Variants in MORN2 observed in about 807,000 individuals in gnomAD.
MORN2 encodes the protein MORN repeat containing 2.
In MORN2, 15 loss-of-function variants were observed where a neutral mutation model predicts 13.4. The ratio of observed to expected loss-of-function variants is 1.12; its 90% CI spans 0.75 to 1.72. The LOEUF is 1.72. MORN2 is among the 40% of genes most tolerant of loss of function. The probability of loss-of-function intolerance (pLI) is 0.00; values close to 1 mark genes in which losing one functional copy is unlikely to be tolerated. For synonymous variants in MORN2, 46 were observed against 43.6 expected, an observed-to-expected ratio of 1.06 and a Z score of -0.22; for missense variants, 168 against 134.6, an observed-to-expected ratio of 1.25 and a Z score of -1.23.
At position 38,881,536 on chromosome 2, in the gene MORN2, T is replaced by C. The variant is rs749052669; in HGVS notation, c.311T>C (p.Phe104Ser). ...TTTCATGGACTGGGGACTTACACAT[T>C]CCCAAATGGGGCAAAGTATACTGGA... Residue 104 changes from phenylalanine to serine, a missense_variant, in exon 4 of 5, where the codon TTC (phenylalanine) becomes TCC (serine). Coordinates refer to ENST00000644631, the MANE Select transcript of MORN2 (RefSeq NM_001145450.3). The C allele has an allele frequency of 1.6e-5, 24 of 1,540,464 alleles. No individual in the cohort carries two copies. The highest frequency in any genetic ancestry group is 1.9e-5 in the Non-Finnish European group (22 of 1,143,304).
chr2:38,877,287 TA>T (rs1558415705), intron 1 of MORN2, among the ~76,000 whole-genome samples: 431 of 32,266 alleles, frequency 0.013, 3 homozygotes, highest in Middle Eastern at 0.058. Flanking sequence ...AATAAATAAA[TA>T]AATTAAATTA....
Position 38,882,635 on chromosome 2 carries a change from C to T in MORN2, c.*120C>T. ...ACCCCTATAAGTTTGCCAATAAAAC[C>T]ATCACCTGCTTACACCTTTTTGAAC... On this transcript the variant is annotated 3_prime_UTR_variant, in exon 5 of 5. Coordinates refer to ENST00000644631, the MANE Select transcript of MORN2 (RefSeq NM_001145450.3). 3 of 611,110 alleles carry T rather than the reference C, an allele frequency of 4.9e-6. No individual in the cohort carries two copies. In the East Asian group the frequency reaches 8.6e-5, roughly 17 times the overall value. The allele number at this position is 611,110 out of a possible 1,614,324, so 37.9% of individuals were successfully genotyped here. A position where few individuals can be genotyped will look rare whatever the true frequency, so the allele number is the denominator to read the frequency against.
chr2:38,878,335 G>C (rs1211659478), intron 1 of MORN2, among the ~76,000 whole-genome samples: 1 of 152,076 alleles, frequency 6.6e-6, no homozygotes, highest in South Asian at 2.1e-4. Context: ...ACTGTAACCT[G>C]TCTAGGTGTG....
rs1261791962 is a variant in MORN2 at position 38,876,080 on chromosome 2, T to C, written c.28T>C (p.Leu10=). 7.5e-6 allele frequency: 3 copies of C among 398,624 alleles called. No individual in the cohort carries two copies. The East Asian group carries it at 1.1e-4, about 14-fold the overall frequency. 24.7% of individuals were successfully genotyped at this position (398,624 alleles called of 1,614,324 possible). ...GGCCGCCCAGGGGGAGTCGCAGAGTTTGGAAGATCTCTCTAACACCTCTCG... is the reference window on the plus strand; with the variant it reads ...GGCCGCCCAGGGGGAGTCGCAGAGTCTGGAAGATCTCTCTAACACCTCTCG... The change falls in exon 1 of 5, where the codon TTG becomes CTG. Residue 10 remains leucine, a synonymous_variant. Transcript: ENST00000644631.
intron 1 of MORN2, among the ~76,000 whole-genome samples, chr2:38,876,407 A>G (rs557318933): frequency 6.6e-6 from 1 of 152,322 alleles, no homozygotes; most frequent in Admixed American, 6.5e-5. Flanking sequence ...CAAGTTTCGA[A>G]TGTAGAACAT....
intron 1 of MORN2, among the ~76,000 whole-genome samples, chr2:38,877,865 G>A (rs538463921): frequency 2.6e-5 from 4 of 151,434 alleles, no homozygotes; most frequent in South Asian, 4.2e-4. Context: ...GGGTGTGATC[G>A]GACTCACTGC....
rs535064161 is a variant in MORN2 at position 38,881,753 on chromosome 2, C to T, written c.353+175C>T. ...GCAACCTCTGCCTCCCGGGTTCAAG[C>T]GATTCTCTTGCCTCAGCCACCCAAG... On this transcript the variant is annotated intron_variant, in intron 4 of 4. Coordinates refer to ENST00000644631, the MANE Select transcript of MORN2 (RefSeq NM_001145450.3). Among the ~76,000 whole-genome samples the T allele has an allele frequency of 3.9e-5, 6 of 152,256 alleles. No homozygotes were observed. The East Asian group carries it at 7.7e-4, about 20-fold the overall frequency.
At chr2:38,876,469 T>A (rs1278852376) in intron 1 of MORN2, among the ~76,000 whole-genome samples, 1 of 152,222 alleles carries the variant, frequency 6.6e-6, no homozygotes, top group Non-Finnish European at 1.5e-5. Flanking sequence ...CGTTTAATGC[T>A]CTGCTTCATA....
At chr2:38,881,930 C>T (rs1053305069) in intron 4 of MORN2, among the ~76,000 whole-genome samples, 5 of 152,212 alleles carry the variant, frequency 3.3e-5, no homozygotes, top group African/African-American at 7.2e-5. Flanking sequence ...AGATTACAGG[C>T]GTGAGCCACT....
intron 4 of MORN2, 95 bp downstream of exon 4, chr2:38,881,673 C>G (rs948852921): frequency 1.3e-5 from 13 of 1,011,234 alleles, no homozygotes; most frequent in Non-Finnish European, 1.6e-5. Flanking sequence ...TTTATTGAGA[C>G]AGAGTCTCCC....
In MORN2 at chr2:38,881,495, A is replaced by G. The variant is rs893295034; in HGVS notation, c.270A>G (p.Gln90=). Residue 90 remains glutamine (Q), a synonymous_variant, in exon 4 of 5, where the codon CAA becomes CAG. Transcript: ENST00000644631. ...TTTCAGGAGCAGTATATGAAGGACA[A>G]TTTAAGGATAATATGTTTCATGGAC... The G allele has an allele frequency of 1.2e-5, 19 of 1,545,810 alleles. No homozygotes were observed. The highest frequency in any genetic ancestry group is 1.6e-5 in the Non-Finnish European group (18 of 1,144,952).
chr2:38,882,354 T>C (rs1558417493), intron 4 of MORN2, 59 bp from the exon 5 acceptor site: 1 of 1,102,750 alleles, frequency 9.1e-7, no homozygotes, highest in East Asian at 2.6e-5. Context: ...GAAAATCTTA[T>C]ATCTGGACTG....
intron 1 of MORN2, among the ~76,000 whole-genome samples, chr2:38,876,485 T>G (rs918251567): frequency 1.3e-5 from 2 of 152,250 alleles, no homozygotes. Flanking sequence ...TCATAGGCAC[T>G]TAACGATTCC....
At chr2:38,877,206 C>A (rs1246297883) in intron 1 of MORN2, among the ~76,000 whole-genome samples, 1 of 151,998 alleles carries the variant, frequency 6.6e-6, no homozygotes, top group East Asian at 1.9e-4. Flanking sequence ...GCGGAGGTTG[C>A]AGTGAGACGA....
chr2:38,876,977 A>G (rs1246178559), intron 1 of MORN2, among the ~76,000 whole-genome samples: 3 of 152,264 alleles, frequency 2.0e-5, no homozygotes, highest in African/African-American at 4.8e-5. Flanking sequence ...CCTAACTACT[A>G]CACTCTATTT....
At chr2:38,877,406 A>G (rs1456309896) in intron 1 of MORN2, among the ~76,000 whole-genome samples, 2 of 152,182 alleles carry the variant, frequency 1.3e-5, no homozygotes, top group Non-Finnish European at 2.9e-5. Flanking sequence ...ATGAGCACAC[A>G]TGGCAATTTC....
Position 38,880,221 on chromosome 2 carries a change from A to T in MORN2, c.101A>T (p.Asp34Val). The T allele has an allele frequency of 2.5e-6, 1 of 399,104 alleles. No homozygotes were observed. 24.7% of individuals were successfully genotyped at this position (399,104 alleles called of 1,614,324 possible). Residue 34 changes from aspartate (D) to valine (V), a missense_variant, in exon 2 of 5, where the codon GAC (aspartate) becomes GTC (valine). Transcript: ENST00000644631. ...ATCAGCTTTATCTTTCCAAATGGAG[A>T]CAAGTATGGTAAGTATACGCTTCAA...
rs878864412 is a variant in MORN2 at position 38,880,074 on chromosome 2, G to A, written c.59-105G>A. The A allele has an allele frequency of 6.3e-5, 24 of 381,330 alleles. 1 individual carries two copies. The highest frequency in any genetic ancestry group is 3.7e-4 in the East Asian group (10 of 27,088). The allele number at this position is 381,330 out of a possible 1,614,324, so 23.6% of individuals were successfully genotyped here. On this transcript the variant is annotated intron_variant, in intron 1 of 4. Coordinates refer to ENST00000644631, the MANE Select transcript of MORN2 (RefSeq NM_001145450.3). ...TTTGGGAGGCTGAGGCGGGAGGATC[G>A]CTTGAGCCCAGGAGTTTGAGACTGG...
At chr2:38,881,694 A>C (rs1436841177) in intron 4 of MORN2, 116 bp downstream of exon 4, 2 of 852,318 alleles carry the variant, frequency 2.3e-6, no homozygotes, top group Admixed American at 7.2e-5. Context: ...TCTGTCATCC[A>C]GGCAGGAGTG....
Sources: allele counts gnomAD v4.1 joint callset (sites outside exome capture counted in the v4.1 genomes callset), GRCh38; gene constraint gnomAD v4.1.1; transcripts MANE v1.5; gene names NCBI Gene and HGNC (gene_info 2026-07-23, HGNC 2026-07-21).